The following MECOM variants were observed in gnomAD, a reference collection of about 807,000 sequenced individuals.
The protein encoded by MECOM is histone-lysine N-methyltransferase MECOM.
In MECOM, 13 loss-of-function variants were observed where a neutral mutation model predicts 116.3. That is an observed-to-expected ratio of 0.11 (90% confidence interval 0.07 to 0.18). The LOEUF (loss-of-function observed/expected upper bound fraction) is 0.18, where lower values mean the gene tolerates loss of function less well. MECOM is among the 10% of genes least tolerant of loss of function. MECOM has a pLI of 1.00. For missense variants in MECOM, 1,299 were observed against 1,509.0 expected (o/e 0.86, Z 2.31); for synonymous variants, 528 against 535.2 (o/e 0.99, Z 0.19).
At chr3:169,319,735 A>G (rs1720522145) in intron 2 of MECOM, among the ~76,000 whole-genome samples, 3 of 152,220 alleles carry the variant, frequency 2.0e-5, no homozygotes, top group Admixed American at 2.0e-4. Flanking sequence ...GAAAGTTATC[A>G]ATCTCTCTTC....
rs780293564 is a variant in MECOM at position 169,116,221 on chromosome 3, C to G, written c.1651G>C (p.Val551Leu). 176 of 1,614,154 alleles carry G rather than the reference C, an allele frequency of 1.1e-4. 3 individuals are homozygous for G. The Middle Eastern group carries it at 2.1e-3, about 20-fold the overall frequency. ...ILKALSKHPS[V>L]GDNKPVELQP... ...AGCTCCACTGGCTTATTGTCCCCTA[C>G]AGATGGGTGTTTAGATAGTGCCTTC... Residue 551 changes from valine (V) to leucine (L), a missense_variant, in exon 8 of 17, where the codon GTA becomes CTA. Val to Leu is a conservative substitution (Grantham distance 32, BLOSUM62 1). Around this residue, in one of 6 missense-constraint regions of MECOM, gnomAD observed 238 missense variants for 273.1 expected, o/e 0.87. Coordinates refer to ENST00000651503, the MANE Select transcript of MECOM (RefSeq NM_004991.4).
rs375709782 is a variant in MECOM, at chr3:169,205,547, G to C, written c.376-61715C>G. Among the ~76,000 whole-genome samples, 16 of 152,238 alleles carry C rather than the reference G, an allele frequency of 1.1e-4. No homozygotes were observed. The East Asian group carries it at 1.2e-3, about 11-fold the overall frequency. On this transcript the variant is annotated intron_variant, in intron 2 of 16. Transcript: ENST00000651503. ...ATCCCCTATATATTGTAAATACAGT[G>C]TACTAGCCAGAGTTATTTAAATTCT...
chr3:169,374,836 C>G (rs1353058797), intron 2 of MECOM, among the ~76,000 whole-genome samples: 1 of 151,804 alleles, frequency 6.6e-6, no homozygotes, highest in Non-Finnish European at 1.5e-5. Flanking sequence ...AGTTTGAGAC[C>G]AGCCTGGGCA....
intron 2 of MECOM, among the ~76,000 whole-genome samples, chr3:169,196,551 A>G (rs1468228085): frequency 6.6e-6 from 1 of 152,104 alleles, no homozygotes; most frequent in Non-Finnish European, 1.5e-5. Flanking sequence ...GAAGTTTATT[A>G]ACAAGCATCC....
intron 1 of MECOM, among the ~76,000 whole-genome samples, chr3:169,444,961 C>A (rs12487796): frequency 0.043 from 6,534 of 152,208 alleles, 446 homozygotes; most frequent in Admixed American, 0.19. Context: ...ATCTGTGGAA[C>A]TTTGAACTTG....
At chr3:169,648,995 GATAAA>G (rs1186312355) in intron 1 of MECOM, among the ~76,000 whole-genome samples, 1 of 152,136 alleles carries the variant, frequency 6.6e-6, no homozygotes, top group African/African-American at 2.4e-5. Flanking sequence ...CTGCACAAAG[GATAAA>G]ATACGCAAAA....
chr3:169,402,603 C>A (rs1419303630), intron 1 of MECOM, among the ~76,000 whole-genome samples: 3 of 152,072 alleles, frequency 2.0e-5, no homozygotes, highest in African/African-American at 4.8e-5. Context: ...TTGCAGTGAG[C>A]CAAGATTGCA....
chr3:169,103,083 C>T (rs980494295), intron 10 of MECOM, among the ~76,000 whole-genome samples: 1 of 150,284 alleles, frequency 6.7e-6, no homozygotes, highest in East Asian at 2.0e-4. Flanking sequence ...ATTTGAGAGT[C>T]ACAAGCAGAA....
intron 1 of MECOM, among the ~76,000 whole-genome samples, chr3:169,472,167 A>C (rs1749360728): frequency 6.6e-6 from 1 of 152,008 alleles, no homozygotes; most frequent in Non-Finnish European, 1.5e-5. Context: ...TACCCAATAA[A>C]TATACACACC....
At chr3:169,276,461 G>T (rs1454449827) in intron 2 of MECOM, among the ~76,000 whole-genome samples, 1 of 148,630 alleles carries the variant, frequency 6.7e-6, no homozygotes, top group Non-Finnish European at 1.5e-5. Flanking sequence ...GCTGAGGCAG[G>T]ATAATTGCTT....
intron 2 of MECOM, among the ~76,000 whole-genome samples, chr3:169,221,827 C>T (rs1019718742): frequency 6.6e-5 from 10 of 151,988 alleles, no homozygotes; most frequent in African/African-American, 2.4e-4. Flanking sequence ...AATATTTTTA[C>T]CCTGTCCAAA....
chr3:169,566,706 C>A (rs1487651046), intron 1 of MECOM, among the ~76,000 whole-genome samples: 1 of 152,150 alleles, frequency 6.6e-6, no homozygotes, highest in Admixed American at 6.6e-5. Context: ...AGCAGATGAG[C>A]CCAAGCCACA....
At chr3:169,598,753 T>C (rs1168739378) in intron 1 of MECOM, among the ~76,000 whole-genome samples, 2 of 152,178 alleles carry the variant, frequency 1.3e-5, no homozygotes, top group African/African-American at 4.8e-5. Context: ...GACGTTATTA[T>C]CATCATGAGT....
At chr3:169,252,394 G>A (rs1371406096) in intron 2 of MECOM, among the ~76,000 whole-genome samples, 1 of 151,692 alleles carries the variant, frequency 6.6e-6, no homozygotes, top group Non-Finnish European at 1.5e-5. Context: ...TGTTCTGGTA[G>A]GTTAGAAAAC....
intron 8 of MECOM, among the ~76,000 whole-genome samples, chr3:169,113,887 A>G (rs1050300843): frequency 9.2e-5 from 14 of 152,096 alleles, no homozygotes; most frequent in African/African-American, 2.9e-4. Context: ...TTGCAACCCA[A>G]GTCTGACACT....
At chr3:169,637,813 T>C (rs1458159737) in intron 1 of MECOM, among the ~76,000 whole-genome samples, 1 of 152,220 alleles carries the variant, frequency 6.6e-6, no homozygotes, top group African/African-American at 2.4e-5. Flanking sequence ...CATGGGCTCA[T>C]AAAATATTGA....
chr3:169,594,434 A>G (rs1766882323), intron 1 of MECOM, among the ~76,000 whole-genome samples: 1 of 152,004 alleles, frequency 6.6e-6, no homozygotes, highest in South Asian at 2.1e-4. Flanking sequence ...CATCACCTAG[A>G]AAGTCAAATT....
At chr3:169,565,275 G>A (rs1172411531) in intron 1 of MECOM, among the ~76,000 whole-genome samples, 1 of 152,164 alleles carries the variant, frequency 6.6e-6, no homozygotes, top group East Asian at 1.9e-4. Flanking sequence ...TGACTGTAAG[G>A]CCTATCTACT....
intron 1 of MECOM, among the ~76,000 whole-genome samples, chr3:169,402,182 T>C (rs966214638): frequency 1.3e-5 from 2 of 152,200 alleles, no homozygotes; most frequent in Non-Finnish European, 2.9e-5. Flanking sequence ...TGAGCTCATA[T>C]ACTATGTCAT....
Sources: allele counts gnomAD v4.1 joint callset (sites outside exome capture counted in the v4.1 genomes callset), GRCh38; gene constraint gnomAD v4.1.1; regional missense constraint gnomAD v4.1.1; transcripts MANE v1.5; gene names NCBI Gene and HGNC (gene_info 2026-07-23, HGNC 2026-07-21).